The following SORT1 variants were observed in gnomAD, a reference collection of about 807,000 sequenced individuals.
SORT1 encodes sortilin 1, also known as sortilin.
Under a neutral mutation model 101.7 loss-of-function variants are expected in SORT1, and 39 were observed. The ratio of observed to expected loss-of-function variants is 0.38; its 90% CI spans 0.30 to 0.50. The LOEUF (loss-of-function observed/expected upper bound fraction) is 0.50. SORT1 is among the 20% of genes least tolerant of loss of function. The probability of loss-of-function intolerance (pLI) is 0.90; values close to 1 mark genes in which losing one functional copy is unlikely to be tolerated. For missense variants in SORT1, 878 were observed against 1,040.4 expected (o/e 0.84, Z 2.15); for synonymous variants, 396 against 393.7 (o/e 1.01, Z -0.07).
intron 9 of SORT1, among the ~76,000 whole-genome samples, chr1:109,341,410 G>T (rs1461028835): frequency 6.6e-6 from 1 of 151,494 alleles, no homozygotes; most frequent in Non-Finnish European, 1.5e-5. Context: ...GCAGTGGCAC[G>T]ATCTCAGCTC....
At chr1:109,334,754 A>G (rs528327242) in intron 11 of SORT1, among the ~76,000 whole-genome samples, 28 of 152,312 alleles carry the variant, frequency 1.8e-4, no homozygotes, top group African/African-American at 6.7e-4. Context: ...CACAATGTAT[A>G]TATATATCAA....
At chr1:109,329,500 G>C (rs1050027487) in intron 11 of SORT1, among the ~76,000 whole-genome samples, 1 of 152,098 alleles carries the variant, frequency 6.6e-6, no homozygotes, top group African/African-American at 2.4e-5. Flanking sequence ...TGATCCGCCC[G>C]CCTTGGTCTC....
Position 109,397,568 on chromosome 1 carries a change from G to T in SORT1, c.306+19C>A. On this transcript the variant is annotated intron_variant, in intron 1 of 19. Coordinates refer to ENST00000256637, the MANE Select transcript of SORT1 (RefSeq NM_002959.7). ...GGCACCTCGCACCCGAGCGGCTCCC[G>T]GGCCCGGCGCCCGCTCACCTGGTGC... 1 of 1,174,022 alleles carries T rather than the reference G, an allele frequency of 8.5e-7. No homozygotes were observed. Among genetic ancestry groups the T allele is most frequent in the Non-Finnish European group, 1.1e-6 (1 of 948,378 alleles). 72.7% of individuals were successfully genotyped at this position (1,174,022 alleles called of 1,614,324 possible).
intron 6 of SORT1, among the ~76,000 whole-genome samples, chr1:109,348,628 A>G (rs962443541): frequency 6.6e-6 from 1 of 152,012 alleles, no homozygotes; most frequent in Non-Finnish European, 1.5e-5. Flanking sequence ...AACGAGGACT[A>G]CAGGTGTGCA....
chr1:109,395,170 C>T (rs1359981207), intron 1 of SORT1, among the ~76,000 whole-genome samples: 1 of 136,904 alleles, frequency 7.3e-6, no homozygotes, highest in Non-Finnish European at 1.5e-5. Flanking sequence ...GATGAGATCT[C>T]TGAAGAAGAG....
intron 17 of SORT1, among the ~76,000 whole-genome samples, chr1:109,316,361 G>A (rs1385720494): frequency 6.6e-6 from 1 of 152,036 alleles, no homozygotes; most frequent in East Asian, 1.9e-4. Context: ...GGGACTACAG[G>A]CGTAAACCAC....
chr1:109,367,281 G>C (rs1347429042), intron 3 of SORT1, 127 bp downstream of exon 3: 1 of 625,810 alleles, frequency 1.6e-6, no homozygotes, highest in South Asian at 2.1e-5. Context: ...TGACAGTCTG[G>C]TGAAAACTTA....
intron 3 of SORT1, among the ~76,000 whole-genome samples, chr1:109,364,269 T>C (rs1296176286): frequency 6.6e-6 from 1 of 152,168 alleles, no homozygotes; most frequent in Non-Finnish European, 1.5e-5. Flanking sequence ...AACAGTGACA[T>C]GGCAGTATTG....
At chr1:109,359,020 T>C (rs1650530249) in intron 3 of SORT1, among the ~76,000 whole-genome samples, 1 of 152,066 alleles carries the variant, frequency 6.6e-6, no homozygotes. Flanking sequence ...ACAAATATAT[T>C]TGGAATAGAG....
At chr1:109,395,503 G>A (rs557526838) in intron 1 of SORT1, among the ~76,000 whole-genome samples, 2 of 151,906 alleles carry the variant, frequency 1.3e-5, no homozygotes, top group South Asian at 4.2e-4. Context: ...TTACAGGCAT[G>A]AGCCACCGTG....
At chr1:109,394,998 T>C (rs563114978) in intron 1 of SORT1, among the ~76,000 whole-genome samples, 4 of 152,082 alleles carry the variant, frequency 2.6e-5, no homozygotes, top group African/African-American at 9.7e-5. Flanking sequence ...ATCTCTTCAA[T>C]ACAGTTCAGG....
intron 1 of SORT1, among the ~76,000 whole-genome samples, chr1:109,371,563 G>C (rs887894741): frequency 1.8e-4 from 28 of 152,212 alleles, no homozygotes; most frequent in African/African-American, 6.8e-4. Flanking sequence ...TATCAGTCTT[G>C]AGCCAATCAG....
In SORT1 at chr1:109,346,307, C is replaced by T. The variant is rs566404700; in HGVS notation, c.833-426G>A. 1.4e-4 allele frequency among the ~76,000 whole-genome samples: 20 copies of T among 145,726 alleles called. No individual in the cohort carries two copies. In the South Asian group the frequency reaches 1.5e-3, roughly 11 times the overall value. On this transcript the variant is annotated intron_variant, in intron 7 of 19. Coordinates refer to ENST00000256637, the MANE Select transcript of SORT1 (RefSeq NM_002959.7). ...CAGCCTGTATGACAGAGCAAGACTC[C>T]GTCTCATAAAAAAAAAAAAAAAAAG...
At position 109,310,241 on chromosome 1, in the gene SORT1, A is replaced by C. The variant is rs996983982; in HGVS notation, c.*3802T>G. 2.6e-5 allele frequency: 4 copies of C among 152,778 alleles called. No individual in the cohort carries two copies. Among genetic ancestry groups the C allele is most frequent in the African/African-American group, 9.6e-5 (4 of 41,474 alleles). The allele number at this position is 152,778 out of a possible 1,614,324, so 9.5% of individuals were successfully genotyped here. A position where few individuals can be genotyped will look rare whatever the true frequency, so the allele number is the denominator to read the frequency against. On this transcript the variant is annotated 3_prime_UTR_variant, in exon 20 of 20. Transcript: ENST00000256637. The stretch of plus-strand genomic sequence containing the variant: ...TATAAACAAGTACACTTAAGAATGT[A>C]CTGGTGTGAAGAAATGCATACTGCA...
intron 1 of SORT1, among the ~76,000 whole-genome samples, chr1:109,390,716 C>A (rs1166266251): frequency 6.6e-6 from 1 of 151,560 alleles, no homozygotes; most frequent in East Asian, 1.9e-4. Flanking sequence ...TACTGTGGAA[C>A]CAGACTTGCA....
At position 109,367,605 on chromosome 1, in the gene SORT1, G is replaced by C. The variant is rs1196160440; in HGVS notation, c.367-124C>G. On this transcript the variant is annotated intron_variant, in intron 2 of 19. Transcript: ENST00000256637. ...TCCCTACTTTGTAGTACTCCCCAAA[G>C]TCTAGAAGGATCTAGTTACTAGGGC... is the stretch of plus-strand genomic sequence containing the variant. 5.8e-5 allele frequency: 34 copies of C among 582,552 alleles called. No individual in the cohort carries two copies. The Admixed American group carries it at 6.9e-4, about 12-fold the overall frequency. 36.1% of individuals were successfully genotyped at this position (582,552 alleles called of 1,614,324 possible). A position where few individuals can be genotyped will look rare whatever the true frequency, so the allele number is the denominator to read the frequency against.
intron 1 of SORT1, among the ~76,000 whole-genome samples, chr1:109,372,328 C>T (rs1396155560): frequency 2.0e-5 from 3 of 152,166 alleles, no homozygotes; most frequent in Non-Finnish European, 4.4e-5. Context: ...GACCTGAGGT[C>T]CATCTGGTAA....
intron 6 of SORT1, among the ~76,000 whole-genome samples, chr1:109,350,344 C>G (rs1402005993): frequency 1.3e-5 from 2 of 152,218 alleles, no homozygotes; most frequent in Non-Finnish European, 2.9e-5. Context: ...GGTTGAGCCC[C>G]TGACTAGCAG....
chr1:109,340,619 T>C lies in SORT1; in HGVS notation c.1264+105A>G, dbSNP rs192927607. 6 of 1,159,314 alleles carry C rather than the reference T, an allele frequency of 5.2e-6. No individual in the cohort carries two copies. The African/African-American group carries it at 9.3e-5, about 18-fold the overall frequency. The allele number at this position is 1,159,314 out of a possible 1,614,324, so 71.8% of individuals were successfully genotyped here. On this transcript the variant is annotated intron_variant, in intron 10 of 19. Transcript: ENST00000256637. Reference sequence around the variant, plus strand: ...ACAAAAAAATGTACATGGGTAGGCTTGTTGGCTTGGCAAGCAACATTACTA... The same window carrying C: ...ACAAAAAAATGTACATGGGTAGGCTCGTTGGCTTGGCAAGCAACATTACTA...
Sources: gnomAD v4.1 joint callset for allele counts (sites outside exome capture counted in the v4.1 genomes callset) on GRCh38, gnomAD v4.1.1 for gene constraint, MANE v1.5 for transcripts, NCBI Gene and HGNC (gene_info 2026-07-23, HGNC 2026-07-21) for gene names.